The following COMMD1 variants were observed in gnomAD, a reference collection of about 807,000 sequenced individuals.
COMMD1 encodes the protein COMM domain-containing protein 1.
COMMD1 carries 10 observed loss-of-function variants against 17.2 expected under a neutral mutation model. The observed-to-expected ratio is 0.58, with a 90% confidence interval of 0.36 to 0.99. The LOEUF (loss-of-function observed/expected upper bound fraction) is 0.99, where lower values mean the gene tolerates loss of function less well. Among genes scored for constraint, COMMD1 ranks in the 50% least tolerant of loss-of-function variants. The pLI is 0.01. For synonymous variants in COMMD1, 97 were observed against 91.6 expected, an observed-to-expected ratio of 1.06 and a Z score of -0.34; for missense variants, 270 against 231.8, an observed-to-expected ratio of 1.17 and a Z score of -1.07.
chr2:62,038,319 C>T (rs1196279070), intron 2 of COMMD1, among the ~76,000 whole-genome samples: 1 of 151,854 alleles, frequency 6.6e-6, no homozygotes, highest in East Asian at 1.9e-4. Context: ...ACAACAACAA[C>T]AAAAATAACC....
rs551475739 is a variant in COMMD1 at position 62,071,401 on chromosome 2, G to A, written c.463-64430G>A. 2.6e-5 allele frequency among the ~76,000 whole-genome samples: 4 copies of A among 152,316 alleles called. No homozygotes were observed. In the South Asian group the frequency reaches 8.3e-4, roughly 32 times the overall value. ...TTTTTCACCACATGCTGTTTTGTCAGCAAGGTCTTTACGACCTGTATGTCC... is the reference window on the plus strand; with the variant it reads ...TTTTTCACCACATGCTGTTTTGTCAACAAGGTCTTTACGACCTGTATGTCC... On this transcript the variant is annotated intron_variant, in intron 2 of 2. Transcript: ENST00000311832.
At chr2:62,042,571 C>G (rs1031405667) in intron 2 of COMMD1, among the ~76,000 whole-genome samples, 1 of 152,118 alleles carries the variant, frequency 6.6e-6, no homozygotes, top group South Asian at 2.1e-4. Context: ...CCCGCGAGCG[C>G]CGAGCGCAGC....
chr2:62,032,853 C>T (rs1425135193), intron 2 of COMMD1, among the ~76,000 whole-genome samples: 1 of 152,176 alleles, frequency 6.6e-6, no homozygotes, highest in African/African-American at 2.4e-5. Flanking sequence ...TCACTGCATC[C>T]TCCACCCTCC....
chr2:62,014,261 G>A (rs1328789294), intron 2 of COMMD1, among the ~76,000 whole-genome samples: 1 of 152,124 alleles, frequency 6.6e-6, no homozygotes, highest in Non-Finnish European at 1.5e-5. Flanking sequence ...TGCTTGAGAG[G>A]AAGCCAGGAA....
At chr2:62,079,513 A>ATC (rs1413927371) in intron 2 of COMMD1, among the ~76,000 whole-genome samples, 3 of 152,344 alleles carry the variant, frequency 2.0e-5, no homozygotes, top group African/African-American at 7.2e-5. Flanking sequence ...TCTAGAGGCT[A>ATC]GATGCTGGGA....
chr2:61,896,887 C>A (rs1273976436), intron 1 of COMMD1, among the ~76,000 whole-genome samples: 1 of 150,260 alleles, frequency 6.7e-6, no homozygotes, highest in Middle Eastern at 3.2e-3. Flanking sequence ...GCAGTGGCAC[C>A]ATCTTGATCT....
At chr2:61,936,207 G>A (rs557040543) in intron 1 of COMMD1, among the ~76,000 whole-genome samples, 14 of 152,208 alleles carry the variant, frequency 9.2e-5, no homozygotes, top group African/African-American at 3.1e-4. Context: ...TAGGGTTCTG[G>A]AAATTCCTAC....
At chr2:62,023,034 C>G (rs1669651362) in intron 2 of COMMD1, among the ~76,000 whole-genome samples, 1 of 152,156 alleles carries the variant, frequency 6.6e-6, no homozygotes, top group South Asian at 2.1e-4. Context: ...CGAGACCAGC[C>G]TGACCAACAT....
chr2:62,124,475 A>G (rs1202769039), intron 2 of COMMD1, among the ~76,000 whole-genome samples: 1 of 152,224 alleles, frequency 6.6e-6, no homozygotes, highest in Non-Finnish European at 1.5e-5. Context: ...GAAGAGAAGC[A>G]GCAGAGGACC....
upstream of COMMD1, chr2:61,905,549 C>A: frequency 1.2e-6 from 1 of 856,092 alleles, no homozygotes; most frequent in Non-Finnish European, 1.8e-6. Context: ...CCAACTCTGA[C>A]CCCTGGGGAA....
At chr2:61,959,446 T>C (rs1671283003) in intron 1 of COMMD1, among the ~76,000 whole-genome samples, 1 of 152,184 alleles carries the variant, frequency 6.6e-6, no homozygotes, top group African/African-American at 2.4e-5. Context: ...TTAATATTTA[T>C]TGAAACCCTA....
At chr2:62,065,715 A>G (rs1429852560) in intron 2 of COMMD1, among the ~76,000 whole-genome samples, 2 of 152,200 alleles carry the variant, frequency 1.3e-5, no homozygotes, top group African/African-American at 2.4e-5. Flanking sequence ...TCATGAAGGT[A>G]TGATGTTTAT....
intron 1 of COMMD1, among the ~76,000 whole-genome samples, chr2:61,889,437 C>T (rs1417138677): frequency 1.3e-5 from 2 of 152,028 alleles, no homozygotes; most frequent in South Asian, 2.1e-4. Flanking sequence ...TCTGACCTCC[C>T]CGGCTCAAAG....
rs756918054 is a variant in COMMD1 at position 61,992,894 on chromosome 2, C to T, written c.181-7807C>T. 2.0e-5 allele frequency among the ~76,000 whole-genome samples: 3 copies of T among 151,890 alleles called. No individual in the cohort carries two copies. In the East Asian group the frequency reaches 5.8e-4, roughly 29 times the overall value. On this transcript the variant is annotated intron_variant, in intron 1 of 2. Coordinates refer to ENST00000311832, the MANE Select transcript of COMMD1 (RefSeq NM_152516.4). The stretch of plus-strand genomic sequence containing the variant: ...GTGTTTTTAATTTTCTTTTTTTCTT[C>T]CATTCAAGTAAACAATTAAAATGAG...
intron 2 of COMMD1, among the ~76,000 whole-genome samples, chr2:62,088,024 T>C (rs1671717727): frequency 6.6e-6 from 1 of 152,214 alleles, no homozygotes; most frequent in Non-Finnish European, 1.5e-5. Flanking sequence ...ACATTTTAAC[T>C]ACCAGAGTCC....
upstream of COMMD1, chr2:61,888,418 T>C (rs1284426489): frequency 5.6e-6 from 9 of 1,613,070 alleles, no homozygotes; most frequent in Non-Finnish European, 7.6e-6. Context: ...GGATCTGGGC[T>C]GGCTTGTCGC....
intron 2 of COMMD1, among the ~76,000 whole-genome samples, chr2:62,042,573 G>A (rs1177983751): frequency 6.6e-6 from 1 of 152,140 alleles, no homozygotes; most frequent in Non-Finnish European, 1.5e-5. Context: ...CGCGAGCGCC[G>A]AGCGCAGCCC....
At chr2:62,067,652 A>G (rs994590833) in intron 2 of COMMD1, among the ~76,000 whole-genome samples, 8 of 152,204 alleles carry the variant, frequency 5.3e-5, no homozygotes, top group African/African-American at 1.9e-4. Context: ...ATTTAGAAGT[A>G]TGATTGGACA....
At chr2:61,953,033 G>A (rs1330314695) in intron 1 of COMMD1, among the ~76,000 whole-genome samples, 1 of 151,918 alleles carries the variant, frequency 6.6e-6, no homozygotes, top group African/African-American at 2.4e-5. Context: ...TTTTTGAGAC[G>A]GAGTCTTGTT....
Sources: gnomAD v4.1 joint callset for allele counts (sites outside exome capture counted in the v4.1 genomes callset) on GRCh38, gnomAD v4.1.1 for gene constraint, MANE v1.5 for transcripts, NCBI Gene and HGNC (gene_info 2026-07-23, HGNC 2026-07-21) for gene names.